Variants in CTNNA3 observed in about 807,000 individuals in gnomAD.
The protein encoded by CTNNA3 is catenin alpha-3.
CTNNA3 carries 76 observed loss-of-function variants against 95.7 expected under a neutral mutation model. The observed-to-expected ratio is 0.79, with a 90% CI of 0.66 to 0.96. The LOEUF is 0.96. Among genes scored for constraint, CTNNA3 ranks in the 40% least tolerant of loss-of-function variants. CTNNA3 has a pLI of 0.00. For synonymous variants in CTNNA3, 431 were observed against 374.4 expected, an observed-to-expected ratio of 1.15 and a Z score of -1.74; for missense variants, 1,191 against 1,089.8, an observed-to-expected ratio of 1.09 and a Z score of -1.31.
intron 15 of CTNNA3, among the ~76,000 whole-genome samples, chr10:65,997,414 T>C (rs1179198342): frequency 6.6e-6 from 1 of 152,176 alleles, no homozygotes; most frequent in Non-Finnish European, 1.5e-5. Flanking sequence ...GTATACCATC[T>C]TGGGTTAGCC....
At chr10:66,676,490 A>T (rs1235069256) in intron 9 of CTNNA3, among the ~76,000 whole-genome samples, 1 of 152,076 alleles carries the variant, frequency 6.6e-6, no homozygotes, top group Admixed American at 6.6e-5. Flanking sequence ...CAGGAAAGCC[A>T]AAGGTACCCT....
At chr10:66,456,825 G>A (rs2093497914) in intron 11 of CTNNA3, among the ~76,000 whole-genome samples, 1 of 152,142 alleles carries the variant, frequency 6.6e-6, no homozygotes, top group African/African-American at 2.4e-5. Flanking sequence ...CAGGGGTGGT[G>A]GCTCATGTCT....
At chr10:65,986,966 A>C (rs1052960675) in intron 16 of CTNNA3, among the ~76,000 whole-genome samples, 3 of 151,898 alleles carry the variant, frequency 2.0e-5, no homozygotes, top group Non-Finnish European at 4.4e-5. Context: ...TGAGAAAAGG[A>C]TAGTCAATAA....
At chr10:67,264,220 G>T (rs916094030) in intron 5 of CTNNA3, among the ~76,000 whole-genome samples, 1 of 152,112 alleles carries the variant, frequency 6.6e-6, no homozygotes, top group African/African-American at 2.4e-5. Flanking sequence ...CAGAAAGGGT[G>T]AGTAACTAGT....
At chr10:67,389,895 A>G (rs1400297743) in intron 5 of CTNNA3, among the ~76,000 whole-genome samples, 1 of 151,782 alleles carries the variant, frequency 6.6e-6, no homozygotes, top group Non-Finnish European at 1.5e-5. Context: ...AATCTCTGGG[A>G]CACATTCAAA....
At chr10:66,991,460 G>T (rs1316524932) in intron 7 of CTNNA3, among the ~76,000 whole-genome samples, 1 of 152,026 alleles carries the variant, frequency 6.6e-6, no homozygotes, top group African/African-American at 2.4e-5. Context: ...TATTTATTTT[G>T]ATTTTTGAAG....
Position 67,232,411 on chromosome 10 carries a change from A to G in CTNNA3, c.580-12541T>C, listed in dbSNP as rs909874426. Reference sequence around the variant, plus strand: ...CCAGAATTTCATATCCAGCCAAACTAAGCTTCATAAGTGAAGGAGAAATAA... The same window carrying G: ...CCAGAATTTCATATCCAGCCAAACTGAGCTTCATAAGTGAAGGAGAAATAA... On this transcript the variant is annotated intron_variant, in intron 5 of 17. Transcript: ENST00000433211. Among the ~76,000 whole-genome samples, 118 of 152,240 alleles carry G rather than the reference A, an allele frequency of 7.8e-4. 1 individual carries two copies. The highest frequency in any genetic ancestry group is 2.7e-3 in the African/African-American group (114 of 41,538).
chr10:67,059,958 T>C (rs895930664), intron 7 of CTNNA3, among the ~76,000 whole-genome samples: 1 of 152,060 alleles, frequency 6.6e-6, no homozygotes, highest in Non-Finnish European at 1.5e-5. Flanking sequence ...TCTACAAATA[T>C]GTTGAGGGAG....
intron 9 of CTNNA3, among the ~76,000 whole-genome samples, chr10:66,758,574 C>A (rs561026828): frequency 6.6e-6 from 1 of 152,220 alleles, no homozygotes; most frequent in African/African-American, 2.4e-5. Context: ...TGACCAAATA[C>A]CATGTTGGAG....
chr10:67,448,021 G>A (rs893270017), intron 5 of CTNNA3, among the ~76,000 whole-genome samples: 1 of 152,190 alleles, frequency 6.6e-6, no homozygotes, highest in African/African-American at 2.4e-5. Context: ...AAAGAGCTGA[G>A]CTTTTGGCTA....
At chr10:66,193,869 C>A (rs1204940699) in intron 13 of CTNNA3, among the ~76,000 whole-genome samples, 1 of 152,076 alleles carries the variant, frequency 6.6e-6, no homozygotes, top group Non-Finnish European at 1.5e-5. Context: ...GAATTACGGG[C>A]ACAGAAGTGC....
chr10:67,168,664 C>A (rs560172019), intron 7 of CTNNA3, among the ~76,000 whole-genome samples: 5 of 152,188 alleles, frequency 3.3e-5, no homozygotes, highest in Admixed American at 3.3e-4. Context: ...GACAAACCTA[C>A]AGCCAACATT....
intron 5 of CTNNA3, among the ~76,000 whole-genome samples, chr10:67,328,213 G>C (rs779033200): frequency 6.6e-6 from 1 of 152,184 alleles, no homozygotes; most frequent in Non-Finnish European, 1.5e-5. Flanking sequence ...GGGGGTTGGT[G>C]CATGGCTGTA....
At position 67,030,178 on chromosome 10, in the gene CTNNA3, G is replaced by A. The variant is rs529905161; in HGVS notation, c.1047+150139C>T. Among the ~76,000 whole-genome samples the A allele has an allele frequency of 3.9e-5, 6 of 152,270 alleles. No individual in the cohort carries two copies. In the East Asian group the frequency reaches 7.7e-4, roughly 20 times the overall value. ...AAAGCACCAGTTGGATGGTTTACAA[G>A]GGAAGTCAGACATTCATTTATTGCA... On this transcript the variant is annotated intron_variant, in intron 7 of 17. Transcript: ENST00000433211.
intron 12 of CTNNA3, among the ~76,000 whole-genome samples, chr10:66,318,845 C>A (rs1466855632): frequency 6.6e-6 from 1 of 151,918 alleles, no homozygotes; most frequent in Non-Finnish European, 1.5e-5. Context: ...TGAGAACCTT[C>A]TTGCATAAAA....
chr10:67,570,593 T>G (rs1841945540), intron 3 of CTNNA3, among the ~76,000 whole-genome samples: 1 of 152,166 alleles, frequency 6.6e-6, no homozygotes. Flanking sequence ...CTGTAACCTT[T>G]TACTAGGTGG....
chr10:67,089,494 C>T (rs978943646), intron 7 of CTNNA3, among the ~76,000 whole-genome samples: 3 of 151,746 alleles, frequency 2.0e-5, no homozygotes, highest in African/African-American at 7.3e-5. Flanking sequence ...GATTGCTCTT[C>T]GAACAAATAA....
intron 13 of CTNNA3, among the ~76,000 whole-genome samples, chr10:66,124,171 A>C (rs779518052): frequency 6.6e-6 from 1 of 151,978 alleles, no homozygotes; most frequent in African/African-American, 2.4e-5. Flanking sequence ...CCCAAGTCAC[A>C]TCTTGAATGC....
chr10:66,131,422 A>G (rs186767669), intron 13 of CTNNA3, among the ~76,000 whole-genome samples: 16 of 152,348 alleles, frequency 1.1e-4, no homozygotes, highest in African/African-American at 3.8e-4. Context: ...ATGCAGATCA[A>G]TAAATGTGAA....
Sources: allele counts gnomAD v4.1 joint callset (sites outside exome capture counted in the v4.1 genomes callset), GRCh38; gene constraint gnomAD v4.1.1; transcripts MANE v1.5; gene names NCBI Gene and HGNC (gene_info 2026-07-23, HGNC 2026-07-21).